Variants in SPON1 observed in about 807,000 individuals in gnomAD.
SPON1 encodes spondin-1.
A neutral mutation model predicts 111.7 loss-of-function variants in SPON1; 52 were observed. The ratio of observed to expected loss-of-function variants is 0.47; its 90% CI spans 0.37 to 0.59. The LOEUF (loss-of-function observed/expected upper bound fraction) is 0.59, where lower values mean the gene tolerates loss of function less well. Among genes scored for constraint, SPON1 ranks in the 20% least tolerant of loss-of-function variants. SPON1 has a pLI of 0.00. For missense variants in SPON1, 957 were observed against 1,068.5 expected (o/e 0.90, Z 1.46); for synonymous variants, 410 against 395.8 (o/e 1.04, Z -0.43).
At chr11:14,039,401 G>A (rs1347173924) in intron 2 of SPON1, among the ~76,000 whole-genome samples, 1 of 151,770 alleles carries the variant, frequency 6.6e-6, no homozygotes, top group Non-Finnish European at 1.5e-5. Flanking sequence ...GATATAGGAT[G>A]TTGATAGTGA....
At chr11:13,995,227 G>T (rs1554911660) in intron 2 of SPON1, among the ~76,000 whole-genome samples, 3 of 152,140 alleles carry the variant, frequency 2.0e-5, no homozygotes, top group Admixed American at 1.3e-4. Context: ...ATTAATGAAT[G>T]CACTAATGAC....
At position 13,989,795 on chromosome 11, in the gene SPON1, C is replaced by T. The variant is rs553173370; in HGVS notation, c.345+6842C>T. Among the ~76,000 whole-genome samples, 6 of 152,236 alleles carry T rather than the reference C, an allele frequency of 3.9e-5. No individual in the cohort carries two copies. The South Asian group carries it at 1.0e-3, about 26-fold the overall frequency. ...AACATCTTTATTTCTGCCTTCATTT[C>T]GTTATTTACCCAGTAGTCATTCAGG... On this transcript the variant is annotated intron_variant, in intron 2 of 15. Transcript: ENST00000576479.
intron 2 of SPON1, among the ~76,000 whole-genome samples, chr11:14,019,520 C>T (rs1309358130): frequency 6.6e-6 from 1 of 151,854 alleles, no homozygotes; most frequent in Admixed American, 6.6e-5. Flanking sequence ...GACTCAAGGA[C>T]CTGGGTTGAC....
chr11:14,026,901 G>T (rs1564888706), intron 2 of SPON1, among the ~76,000 whole-genome samples: 1 of 152,136 alleles, frequency 6.6e-6, no homozygotes, highest in East Asian at 1.9e-4. Flanking sequence ...ATGTAAGTGA[G>T]ACCAGAAACA....
At chr11:14,218,656 G>T (rs1208253278) in intron 6 of SPON1, among the ~76,000 whole-genome samples, 1 of 152,122 alleles carries the variant, frequency 6.6e-6, no homozygotes, top group Non-Finnish European at 1.5e-5. Flanking sequence ...TAGGCAACGG[G>T]ATTGCCTAGA....
chr11:14,265,708 G>A lies in SPON1; in HGVS notation c.*21G>A, dbSNP rs1374769710. The stretch of plus-strand genomic sequence containing the variant: ...GTTAGCAAGGGTACGAGTTCCCCAG[G>A]GCTGCACTCTAGATTCCAGAGTCAC... On this transcript the variant is annotated 3_prime_UTR_variant, in exon 16 of 16. Coordinates refer to ENST00000576479, the MANE Select transcript of SPON1 (RefSeq NM_006108.4). 5 of 1,609,394 alleles carry A rather than the reference G, an allele frequency of 3.1e-6. No individual in the cohort carries two copies. The highest frequency in any genetic ancestry group is 4.2e-6 in the Non-Finnish European group (5 of 1,177,752).
Position 14,173,159 on chromosome 11 carries a change from C to T in SPON1, c.825+37591C>T, listed in dbSNP as rs1031249845. ...CAGATGTAGATTTGGTCTTTTCACA[C>T]AGTCCCATATTTCTTGGAGGGTTTG... On this transcript the variant is annotated intron_variant, in intron 6 of 15. Coordinates refer to ENST00000576479, the MANE Select transcript of SPON1 (RefSeq NM_006108.4). Among the ~76,000 whole-genome samples, 31 of 152,030 alleles carry T rather than the reference C, an allele frequency of 2.0e-4. 1 individual carries two copies. Among genetic ancestry groups the T allele is most frequent in the Admixed American group, 1.3e-3 (20 of 15,200 alleles).
intron 6 of SPON1, among the ~76,000 whole-genome samples, chr11:14,171,115 A>G (rs1554932408): frequency 3.9e-5 from 6 of 152,080 alleles, no homozygotes. Flanking sequence ...CTGTGAATCT[A>G]TCTGGTCCTG....
chr11:14,233,758 C>CTTTTTTTTTTTT (rs10610600), intron 6 of SPON1, among the ~76,000 whole-genome samples: 1 of 96,848 alleles, frequency 1.0e-5, no homozygotes. Context: ...GTTTCTTTTT[C>CTTTTTTTTTTTT]TTTTTTTTTT....
chr11:14,127,092 T>G (rs1417932232), intron 5 of SPON1, among the ~76,000 whole-genome samples: 3 of 152,186 alleles, frequency 2.0e-5, no homozygotes, highest in African/African-American at 7.2e-5. Flanking sequence ...TTAGATTTAA[T>G]TTTACTAGCT....
chr11:14,135,814 A>T lies in SPON1; in HGVS notation c.825+246A>T, dbSNP rs1847584961. Among the ~76,000 whole-genome samples the T allele has an allele frequency of 6.6e-6, 1 of 152,108 alleles. No homozygotes were observed. ...TGTGCTAAATGCTGCTGCTGTGGCC[A>T]TATTGTTGGGATGCCTTGTCTCTAG... On this transcript the variant is annotated intron_variant, in intron 6 of 15. Coordinates refer to ENST00000576479, the MANE Select transcript of SPON1 (RefSeq NM_006108.4). This position sits in a 1 kb window ranked among gnomAD's most constrained non-coding sequence, Gnocchi z 4.4.
In SPON1 at chr11:14,241,981, G is replaced by A. The variant is rs574041008; in HGVS notation, c.826-1351G>A. On this transcript the variant is annotated intron_variant, in intron 6 of 15. Transcript: ENST00000576479. ...CAAGCTTCCTGGGTGGCTCACCGCC[G>A]CTGCCCTGTCCTTGTGGGCCCTTCC... Among the ~76,000 whole-genome samples the A allele has an allele frequency of 1.4e-4, 21 of 152,106 alleles. No individual in the cohort carries two copies. In the East Asian group the frequency reaches 1.9e-3, roughly 14 times the overall value.
In SPON1 at chr11:14,228,163, G is replaced by A. The variant is rs1848760602; in HGVS notation, c.826-15169G>A. ...GATGCAATGCTGACCCTCGTAGCCTGGGTCCTTCCGAGTTTGGTATGCATA... is the reference window on the plus strand; with the variant it reads ...GATGCAATGCTGACCCTCGTAGCCTAGGTCCTTCCGAGTTTGGTATGCATA... On this transcript the variant is annotated intron_variant, in intron 6 of 15. Transcript: ENST00000576479. The surrounding 1 kb of genome is among the most constrained non-coding windows in gnomAD (Gnocchi z 4.2). 6.6e-6 allele frequency among the ~76,000 whole-genome samples: 1 copy of A among 152,170 alleles called. No homozygotes were observed. The highest frequency in any genetic ancestry group is 6.5e-5 in the Admixed American group (1 of 15,272).
At chr11:14,182,479 T>C (rs2133887907) in intron 6 of SPON1, among the ~76,000 whole-genome samples, 1 of 152,292 alleles carries the variant, frequency 6.6e-6, no homozygotes, top group South Asian at 2.1e-4. Context: ...CAGTTTCCCA[T>C]TCAATGAGAA....
chr11:14,115,412 G>A (rs1394012213), intron 5 of SPON1, among the ~76,000 whole-genome samples: 2 of 152,154 alleles, frequency 1.3e-5, no homozygotes, highest in East Asian at 1.9e-4. Context: ...AGAAGCCTCC[G>A]TTTTGTCCCC....
chr11:14,021,535 C>A (rs1039739090), intron 2 of SPON1, among the ~76,000 whole-genome samples: 2 of 152,182 alleles, frequency 1.3e-5, no homozygotes, highest in African/African-American at 4.8e-5. Flanking sequence ...GCACCAGGAT[C>A]CAGTCCCTGG....
intron 7 of SPON1, among the ~76,000 whole-genome samples, chr11:14,247,530 G>C (rs1210352460): frequency 6.6e-6 from 1 of 152,174 alleles, no homozygotes; most frequent in Non-Finnish European, 1.5e-5. Context: ...CAGTGAGGGG[G>C]GCTACTTCAG....
intron 7 of SPON1, 27 bp from the exon 8 acceptor site, chr11:14,254,501 A>AT: frequency 6.4e-7 from 1 of 1,564,996 alleles, no homozygotes; most frequent in Non-Finnish European, 8.7e-7. Context: ...GAACTCTAAT[A>AT]TAATGGTCTC....
intron 6 of SPON1, among the ~76,000 whole-genome samples, chr11:14,136,043 G>T (rs1463021950): frequency 1.3e-5 from 2 of 152,180 alleles, no homozygotes; most frequent in African/African-American, 4.8e-5. Flanking sequence ...CATCTTCTGT[G>T]TCCTATGCTG....
Sources: allele counts gnomAD v4.1 joint callset (sites outside exome capture counted in the v4.1 genomes callset), GRCh38; gene constraint gnomAD v4.1.1; non-coding constraint Gnocchi (gnomAD v3.1); transcripts MANE v1.5; gene names NCBI Gene and HGNC (gene_info 2026-07-23, HGNC 2026-07-21).